The following OR52H1 variants were observed in gnomAD, a reference collection of about 807,000 sequenced individuals.
OR52H1 encodes the protein olfactory receptor 52H1.
For synonymous variants in OR52H1, 148 were observed against 138.6 expected (o/e 1.07, Z -0.48); for missense variants, 383 against 396.4 (o/e 0.97, Z 0.29).
intron 1 of OR52H1, among the ~76,000 whole-genome samples, chr11:5,546,333 C>T (rs1411033448): frequency 6.6e-6 from 1 of 152,074 alleles, no homozygotes; most frequent in African/African-American, 2.4e-5. Flanking sequence ...ATTAGAGAGA[C>T]ACATCGACCC....
In OR52H1 at chr11:5,545,043, A is replaced by C. The variant is rs747312134; in HGVS notation, c.463T>G (p.Phe155Val). Residue 155 changes from phenylalanine to valine, a missense_variant, in exon 2 of 2, where the codon TTC becomes GTC. By Grantham distance (50) the Phe-to-Val change is conservative. Coordinates refer to ENST00000322653, the MANE Select transcript of OR52H1 (RefSeq NM_001005289.5). Reference sequence around the variant, plus strand: ...AATACATCTGGCAGGATGATGCAGAAGCTTCGAAAGGAGATGCCCATAGCA... The same window carrying C: ...AATACATCTGGCAGGATGATGCAGACGCTTCGAAAGGAGATGCCCATAGCA... ...KSAMGISFRS[F>V]CIILPDVFLL... 3 of 1,614,198 alleles carry C rather than the reference A, an allele frequency of 1.9e-6. No individual in the cohort carries two copies. The highest frequency in any genetic ancestry group is 2.5e-6 in the Non-Finnish European group (3 of 1,180,032).
Position 5,544,912 on chromosome 11 carries a change from G to T in OR52H1, c.594C>A (p.Phe198Leu). ...QLACADISIN[F>L]WYGFCVPIMT... ...TGATGGGAACACAAAAGCCATACCA[G>T]AAGTTGATGGAGATATCAGCACAGG... The change falls in exon 2 of 2, where the codon TTC becomes TTA. Residue 198 changes from phenylalanine to leucine, a missense_variant. Coordinates refer to ENST00000322653, the MANE Select transcript of OR52H1 (RefSeq NM_001005289.5). The T allele has an allele frequency of 3.7e-6, 6 of 1,613,996 alleles. No individual in the cohort carries two copies. The highest frequency in any genetic ancestry group is 5.1e-6 in the Non-Finnish European group (6 of 1,179,906).
chr11:5,544,582 CA>C lies in OR52H1; in HGVS notation c.923del (p.Leu308CysfsTer?). On this transcript the variant is annotated frameshift_variant, in exon 2 of 2. Transcript: ENST00000322653. LOFTEE classifies it high-confidence loss of function. Reference protein sequence around the residue: ...TKQIRDKVILLFSKGTG With the variant: ...TKQIRDKVILXFSKGTG ...AACATCATCCTGTACCCTTAGAAAA[CA>C]AAAGTATAACCTTATCTCTGATCTG... is the stretch of plus-strand genomic sequence containing the variant. The C allele has an allele frequency of 1.3e-6, 2 of 1,597,316 alleles. No homozygotes were observed. The highest frequency in any genetic ancestry group is 3.5e-5 in the Admixed American group (2 of 57,868).
rs1846821700 is a variant in OR52H1 at position 5,544,669 on chromosome 11, G to A, written c.837C>T (p.Ala279=). The A allele has an allele frequency of 1.2e-6, 2 of 1,613,850 alleles. No individual in the cohort carries two copies. Among genetic ancestry groups the A allele is most frequent in the Non-Finnish European group, 1.7e-6 (2 of 1,180,022 alleles). ...NVSRTFHIMF[A]NLYIVIPPAL... is the part of the protein sequence containing the mutation. ...CAGGTGGGATAACAATGTAGAGATT[G>A]GCAAACATGATGTGGAAGGTGCGAG... The change falls in exon 2 of 2, where the codon GCC becomes GCT. Residue 279 remains alanine, a synonymous_variant. Transcript: ENST00000322653.
rs900200728 is a variant in OR52H1 at position 5,545,557 on chromosome 11, G to A, written c.-30-22C>T. 6 of 1,572,516 alleles carry A rather than the reference G, an allele frequency of 3.8e-6. No individual in the cohort carries two copies. The East Asian group carries it at 9.0e-5, about 24-fold the overall frequency. ...GCCCCTAAAGACAGAGGGTGATTAA[G>A]GATAGAGAAACTTGAGTAACTCTCA... is the stretch of plus-strand genomic sequence containing the variant. On this transcript the variant is annotated intron_variant, in intron 1 of 1. Coordinates refer to ENST00000322653, the MANE Select transcript of OR52H1 (RefSeq NM_001005289.5).
chr11:5,547,770 C>T (rs546809153), intron 1 of OR52H1, among the ~76,000 whole-genome samples: 55 of 152,100 alleles, frequency 3.6e-4, no homozygotes, highest in African/African-American at 1.0e-3. Context: ...CTCAGACTCC[C>T]GAGTAGCTGG....
rs755735179 is a variant in OR52H1, at chr11:5,545,201, TGTG to T, written c.302_304del (p.Thr101_Gln102delinsLys). ...AAAGTTATAGTGAAGGAAGAACATT[TGTG>T]TAAGGCATCCTGGGAATGTGATTTC... On this transcript the variant is annotated inframe_deletion, in exon 2 of 2. Transcript: ENST00000322653. 6 of 1,614,146 alleles carry T rather than the reference TGTG, an allele frequency of 3.7e-6. No individual in the cohort carries two copies. Among genetic ancestry groups the T allele is most frequent in the Non-Finnish European group, 5.1e-6 (6 of 1,180,030 alleles).
chr11:5,545,121 A>G lies in OR52H1; in HGVS notation c.385T>C (p.Cys129Arg), dbSNP rs1407452749. 1 of 1,614,074 alleles carries G rather than the reference A, an allele frequency of 6.2e-7. No homozygotes were observed. Among genetic ancestry groups the G allele is most frequent in the East Asian group, 2.2e-5 (1 of 44,870 alleles). The change falls in exon 2 of 2, where the codon TGT (cysteine) becomes CGT (arginine). Residue 129 changes from cysteine to arginine, a missense_variant. Coordinates refer to ENST00000322653, the MANE Select transcript of OR52H1 (RefSeq NM_001005289.5). ...ATGGTGGTATATCTCAAGGGAGAAC[A>G]GATAGCTACATAGTGATCAAATGCC... ...AMAFDHYVAICSPLRYTTILT... is the reference protein window; with the variant it reads ...AMAFDHYVAIRSPLRYTTILT...
chr11:5,546,093 G>A (rs1846852086), intron 1 of OR52H1, among the ~76,000 whole-genome samples: 1 of 151,016 alleles, frequency 6.6e-6, no homozygotes, highest in African/African-American at 2.4e-5. Context: ...AACACCAGAT[G>A]AGTTCCTACA....
intron 1 of OR52H1, among the ~76,000 whole-genome samples, chr11:5,547,945 G>A (rs445586): frequency 0.3 from 46,045 of 152,106 alleles, 8,915 homozygotes; most frequent in East Asian, 0.85. Context: ...ACGCCCAGCC[G>A]AAAAATATTC....
At chr11:5,547,189 T>C (rs437746) in intron 1 of OR52H1, among the ~76,000 whole-genome samples, 48,867 of 151,812 alleles carry the variant, frequency 0.32, 10,125 homozygotes, top group East Asian at 0.85. Flanking sequence ...CTCCTGACCT[T>C]AGGTGATCCA....
At chr11:5,547,163 C>T (rs901836446) in intron 1 of OR52H1, among the ~76,000 whole-genome samples, 4 of 151,996 alleles carry the variant, frequency 2.6e-5, no homozygotes, top group Non-Finnish European at 5.9e-5. Flanking sequence ...ACCATGTTGG[C>T]CAGGCTGGTC....
intron 1 of OR52H1, among the ~76,000 whole-genome samples, chr11:5,547,590 G>T (rs144206377): frequency 2.4e-4 from 37 of 152,178 alleles, no homozygotes; most frequent in African/African-American, 7.7e-4. Context: ...GTTTTTAAAA[G>T]AAATTAATAT....
At position 5,545,359 on chromosome 11, in the gene OR52H1, G is replaced by T; in HGVS notation, c.147C>A (p.Tyr49Ter). The T allele has an allele frequency of 1.2e-6, 2 of 1,614,176 alleles. No individual in the cohort carries two copies. The highest frequency in any genetic ancestry group is 4.5e-5 in the East Asian group (2 of 44,886). ...VAVVGNCILL[Y>*]LIVVEHSLHE... ...GAAGACTATGCTCCACCACAATGAG[G>T]TAGAGAAGGATGCAGTTTCCCACAA... Residue 49 changes from tyrosine to a stop codon, truncating the protein, a stop_gained, in exon 2 of 2, where the codon TAC (tyrosine) becomes TAA (stop). Transcript: ENST00000322653. LOFTEE classifies it low-confidence loss of function (END_TRUNC).
chr11:5,544,802 G>A lies in OR52H1; in HGVS notation c.704C>T (p.Ala235Val), dbSNP rs769872166. 8 of 1,614,016 alleles carry A rather than the reference G, an allele frequency of 5.0e-6. No individual in the cohort carries two copies. Among genetic ancestry groups the A allele is most frequent in the Non-Finnish European group, 5.9e-6 (7 of 1,180,022 alleles). ...CAVFGLPSQD[A>V]CQKALGTCGS... ...ACAAGTGCCGAGGGCTTTCTGGCAG[G>A]CATCTTGGGAGGGAAGGCCAAAGAC... The change falls in exon 2 of 2, where the codon GCC becomes GTC. Residue 235 changes from alanine to valine, a missense_variant. Physicochemically the swap from Ala to Val is moderately conservative, Grantham distance 64 (BLOSUM62 0). Transcript: ENST00000322653.
chr11:5,547,925 G>T (rs1395435108), intron 1 of OR52H1, among the ~76,000 whole-genome samples: 1 of 152,172 alleles, frequency 6.6e-6, no homozygotes, highest in South Asian at 2.1e-4. Context: ...GATTATAGGC[G>T]TGAGCCACCA....
At chr11:5,545,674 G>A in intron 1 of OR52H1, 139 bp from the exon 2 acceptor site, 1 of 777,024 alleles carries the variant, frequency 1.3e-6, no homozygotes. Context: ...ATGAACAAAG[G>A]TTAAAATTAG....
rs139694353 is a variant in OR52H1, at chr11:5,545,403, T to C, written c.103A>G (p.Ile35Val). 50 of 1,614,132 alleles carry C rather than the reference T, an allele frequency of 3.1e-5. No homozygotes were observed. Among genetic ancestry groups the C allele is most frequent in the Non-Finnish European group, 3.9e-5 (46 of 1,180,026 alleles). Reference sequence around the variant, plus strand: ...CCCACAACAGCTACAATGTAGATGATACAGAAGGGAATTCCAATCCACACA... The same window carrying C: ...CCCACAACAGCTACAATGTAGATGACACAGAAGGGAATTCCAATCCACACA... ...FHVWIGIPFC[I>V]IYIVAVVGNC... The change falls in exon 2 of 2, where the codon ATC becomes GTC. Residue 35 changes from isoleucine to valine, a missense_variant. Physicochemically the swap from Ile to Val is conservative, Grantham distance 29 (BLOSUM62 3). Coordinates refer to ENST00000322653, the MANE Select transcript of OR52H1 (RefSeq NM_001005289.5).
chr11:5,545,494 G>T lies in OR52H1; in HGVS notation c.12C>A (p.Phe4Leu). ...GTCCTGGATTGTAACTGCTCAGGTT[G>T]AAAATGATCATGGCAGAGGCAGATG... MII[F>L]NLSSYNPGPF... Residue 4 changes from phenylalanine to leucine, a missense_variant, in exon 2 of 2, where the codon TTC becomes TTA. Phe to Leu is a conservative substitution (Grantham distance 22). Coordinates refer to ENST00000322653, the MANE Select transcript of OR52H1 (RefSeq NM_001005289.5). 3 of 1,614,014 alleles carry T rather than the reference G, an allele frequency of 1.9e-6. No individual in the cohort carries two copies. The highest frequency in any genetic ancestry group is 2.5e-6 in the Non-Finnish European group (3 of 1,179,928).
Sources: gnomAD v4.1 joint callset for allele counts (sites outside exome capture counted in the v4.1 genomes callset) on GRCh38, gnomAD v4.1.1 for gene constraint, MANE v1.5 for transcripts, NCBI Gene and HGNC (gene_info 2026-07-23, HGNC 2026-07-21) for gene names.